NTNG1: variants seen among roughly 807,000 people sequenced by gnomAD.
The protein encoded by NTNG1 is netrin G1, also known as netrin-G1.
Under a neutral mutation model 54.0 loss-of-function variants are expected in NTNG1, and 16 were observed. That is an observed-to-expected ratio of 0.30 (90% CI 0.20 to 0.45). The LOEUF is 0.45. Ranked by LOEUF, NTNG1 falls within the 20% of genes least tolerant of loss-of-function variation. NTNG1 has a pLI of 1.00. For missense variants in NTNG1, 530 were observed against 678.7 expected (o/e 0.78, Z 2.43); for synonymous variants, 255 against 263.1 (o/e 0.97, Z 0.30).
At position 107,481,236 on chromosome 1, in the gene NTNG1, A is replaced by G; in HGVS notation, c.*396A>G. 5.0e-6 allele frequency: 1 copy of G among 200,882 alleles called. No individual in the cohort carries two copies. Among genetic ancestry groups the G allele is most frequent in the Non-Finnish European group, 1.0e-5 (1 of 99,974 alleles). The allele number at this position is 200,882 out of a possible 1,614,324, so 12.4% of individuals were successfully genotyped here. On this transcript the variant is annotated 3_prime_UTR_variant, in exon 8 of 8. Coordinates refer to ENST00000370068, the MANE Select transcript of NTNG1 (RefSeq NM_001113226.3). ...CTCCGCCCAGTGTGTGGACCAACCA[A>G]ATAGCATTCTTTGCTGTCAGGTGCA...
intron 3 of NTNG1, among the ~76,000 whole-genome samples, chr1:107,333,038 G>A (rs1479686846): frequency 2.6e-5 from 4 of 152,018 alleles, no homozygotes; most frequent in Admixed American, 2.0e-4. Context: ...TGAAACAGGA[G>A]CCTCACAAAC....
In NTNG1 at chr1:107,204,908, G is replaced by A. The variant is rs995127892; in HGVS notation, c.246+56069G>A. 1.3e-5 allele frequency among the ~76,000 whole-genome samples: 2 copies of A among 152,102 alleles called. 1 individual carries two copies. Among genetic ancestry groups the A allele is most frequent in the Admixed American group, 1.3e-4 (2 of 15,252 alleles). Reference sequence around the variant, plus strand: ...GGCTTAGAGCTCCTATTGAGAGCAGGTGATACGGGAGTTACTGCAGATTGG... The same window carrying A: ...GGCTTAGAGCTCCTATTGAGAGCAGATGATACGGGAGTTACTGCAGATTGG... On this transcript the variant is annotated intron_variant, in intron 2 of 7. Coordinates refer to ENST00000370068, the MANE Select transcript of NTNG1 (RefSeq NM_001113226.3).
At chr1:107,360,421 G>T (rs1570761445) in intron 3 of NTNG1, among the ~76,000 whole-genome samples, 1 of 152,114 alleles carries the variant, frequency 6.6e-6, no homozygotes, top group Non-Finnish European at 1.5e-5. Flanking sequence ...TAAAGACCCT[G>T]AAGAGAAATA....
intron 2 of NTNG1, among the ~76,000 whole-genome samples, chr1:107,249,213 C>T (rs1162498532): frequency 3.3e-5 from 5 of 150,876 alleles, no homozygotes; most frequent in South Asian, 4.2e-4. Flanking sequence ...AGGCCGGGCA[C>T]GGTGGCTCAC....
At chr1:107,445,128 T>C (rs1676225597) in intron 7 of NTNG1, among the ~76,000 whole-genome samples, 1 of 150,820 alleles carries the variant, frequency 6.6e-6, no homozygotes, top group African/African-American at 2.4e-5. Context: ...GGAAGAGGAG[T>C]CACAGATAGA....
At chr1:107,246,128 T>C (rs1051864354) in intron 2 of NTNG1, among the ~76,000 whole-genome samples, 5 of 152,172 alleles carry the variant, frequency 3.3e-5, no homozygotes, top group African/African-American at 1.2e-4. Context: ...CTCCGCTCAC[T>C]GCAAGCTCCG....
chr1:107,163,256 T>C (rs576214345), intron 2 of NTNG1, among the ~76,000 whole-genome samples: 4 of 152,272 alleles, frequency 2.6e-5, no homozygotes, highest in African/African-American at 9.6e-5. Flanking sequence ...TGCATACCTT[T>C]ATGGATATTT....
At chr1:107,307,562 G>A (rs1666764767) in intron 2 of NTNG1, among the ~76,000 whole-genome samples, 1 of 152,316 alleles carries the variant, frequency 6.6e-6, no homozygotes, top group South Asian at 2.1e-4. Context: ...AGAATTCACA[G>A]AGGGCTGGGA....
intron 7 of NTNG1, among the ~76,000 whole-genome samples, chr1:107,459,219 G>C (rs1412889189): frequency 6.6e-6 from 1 of 152,162 alleles, no homozygotes; most frequent in Non-Finnish European, 1.5e-5. Flanking sequence ...AAAAGAGAGA[G>C]AGAGAAATTG....
At chr1:107,170,322 T>C (rs1656126973) in intron 2 of NTNG1, among the ~76,000 whole-genome samples, 1 of 152,198 alleles carries the variant, frequency 6.6e-6, no homozygotes, top group African/African-American at 2.4e-5. Context: ...TATTTCTTTT[T>C]TTCTTGGGCC....
intron 2 of NTNG1, among the ~76,000 whole-genome samples, chr1:107,292,522 C>T (rs1665679156): frequency 6.6e-6 from 1 of 152,094 alleles, no homozygotes; most frequent in South Asian, 2.1e-4. Flanking sequence ...CTGCCAGCAC[C>T]AGGAAAAGGC....
intron 2 of NTNG1, among the ~76,000 whole-genome samples, chr1:107,170,921 A>G (rs1656170536): frequency 6.6e-6 from 1 of 152,114 alleles, no homozygotes; most frequent in Non-Finnish European, 1.5e-5. Context: ...TGCATTCTTC[A>G]TATCTTAATA....
intron 2 of NTNG1, among the ~76,000 whole-genome samples, chr1:107,180,316 T>C (rs1656974274): frequency 6.6e-6 from 1 of 152,166 alleles, no homozygotes; most frequent in Non-Finnish European, 1.5e-5. Flanking sequence ...AGTGTCAATA[T>C]GAACCTTGGA....
At chr1:107,282,914 A>G (rs1162363921) in intron 2 of NTNG1, among the ~76,000 whole-genome samples, 1 of 152,096 alleles carries the variant, frequency 6.6e-6, no homozygotes, top group Non-Finnish European at 1.5e-5. Flanking sequence ...GAGGGCCCAC[A>G]TTCTGGTTCA....
At chr1:107,238,358 G>A (rs2101566873) in intron 2 of NTNG1, among the ~76,000 whole-genome samples, 1 of 152,292 alleles carries the variant, frequency 6.6e-6, no homozygotes, top group South Asian at 2.1e-4. Context: ...TGATTTTACA[G>A]ACTCATACTT....
chr1:107,395,946 G>A (rs372937892), intron 4 of NTNG1, among the ~76,000 whole-genome samples: 13 of 152,274 alleles, frequency 8.5e-5, no homozygotes, highest in Non-Finnish European at 1.6e-4. Context: ...ATTTTTCTAC[G>A]CATGTGAAAG....
intron 3 of NTNG1, among the ~76,000 whole-genome samples, chr1:107,339,879 CA>C (rs1668799039): frequency 6.6e-6 from 1 of 152,010 alleles, no homozygotes; most frequent in South Asian, 2.1e-4. Context: ...GATGAAAAGC[CA>C]CAGTCCCTGT....
At chr1:107,377,597 C>T (rs12747408) in intron 3 of NTNG1, among the ~76,000 whole-genome samples, 16,516 of 152,264 alleles carry the variant, frequency 0.11, 1,119 homozygotes, top group Non-Finnish European at 0.15. Flanking sequence ...TCTGGTTCCT[C>T]TTCACAGCAT....
chr1:107,393,239 C>T (rs1672473998), intron 3 of NTNG1, among the ~76,000 whole-genome samples: 2 of 152,072 alleles, frequency 1.3e-5, no homozygotes, highest in African/African-American at 4.8e-5. Flanking sequence ...GTTCAATTTC[C>T]TCATTTGGAA....
Sources: gnomAD v4.1 joint callset for allele counts (sites outside exome capture counted in the v4.1 genomes callset) on GRCh38, gnomAD v4.1.1 for gene constraint, MANE v1.5 for transcripts, NCBI Gene and HGNC (gene_info 2026-07-23, HGNC 2026-07-21) for gene names.